The following AMMECR1 variants were observed in gnomAD, a reference collection of about 807,000 sequenced individuals.
AMMECR1 encodes AMMECR nuclear protein 1.
AMMECR1 carries 3 observed loss-of-function variants against 22.5 expected under a neutral mutation model. That is an observed-to-expected ratio of 0.13 (90% CI 0.06 to 0.35). AMMECR1 has a LOEUF of 0.35. Among genes scored for constraint, AMMECR1 ranks in the 10% least tolerant of loss-of-function variants. AMMECR1 has a pLI of 1.00. For synonymous variants in AMMECR1, 130 were observed against 116.7 expected (o/e 1.11, Z -0.74); for missense variants, 235 against 278.7 (o/e 0.84, Z 1.12).
chrX:110,285,049 T>A (rs1054593174), intron 1 of AMMECR1, among the ~76,000 whole-genome samples: 20 of 111,899 alleles, frequency 1.8e-4, no homozygotes, highest in Admixed American at 1.0e-3. Context: ...CAATCCCTGT[T>A]CACTTATCCC....
chrX:110,242,257 TTTC>T (rs1328076857), intron 2 of AMMECR1, among the ~76,000 whole-genome samples: 4 of 111,847 alleles, frequency 3.6e-5, no homozygotes, highest in African/African-American at 9.8e-5. Flanking sequence ...GGCTGTAAGA[TTTC>T]TTGTTTCTAT....
At chrX:110,295,784 C>T (rs1038907505) in intron 1 of AMMECR1, among the ~76,000 whole-genome samples, 1 of 111,550 alleles carries the variant, frequency 9.0e-6, no homozygotes, top group African/African-American at 3.3e-5. Context: ...TTAATACCAA[C>T]CAGTGTCAAT....
intron 1 of AMMECR1, among the ~76,000 whole-genome samples, chrX:110,314,306 T>C (rs2068037825): frequency 9.0e-6 from 1 of 111,479 alleles, no homozygotes; most frequent in Non-Finnish European, 1.9e-5. Flanking sequence ...TTTAGGGTGC[T>C]CATAAAATTC....
At chrX:110,255,825 C>T (rs2067708311) in intron 2 of AMMECR1, among the ~76,000 whole-genome samples, 1 of 112,057 alleles carries the variant, frequency 8.9e-6, no homozygotes, top group Non-Finnish European at 1.9e-5. Context: ...TGTAGATTTA[C>T]AGGATAATTT....
chrX:110,338,766 C>G (rs12848114), intron 2 of AMMECR1, among the ~76,000 whole-genome samples: 1 of 111,082 alleles, frequency 9.0e-6, no homozygotes, highest in Non-Finnish European at 1.9e-5. Flanking sequence ...GAAAATTGTC[C>G]TTTAATATTT....
chrX:110,345,679 A>G (rs2068186145), intron 2 of AMMECR1, among the ~76,000 whole-genome samples: 1 of 110,539 alleles, frequency 9.0e-6, no homozygotes, highest in Admixed American at 9.6e-5. Flanking sequence ...AGCATCACAC[A>G]GTATACCCAG....
At chrX:110,229,275 T>C (rs756979631) in intron 2 of AMMECR1, among the ~76,000 whole-genome samples, 1 of 112,474 alleles carries the variant, frequency 8.9e-6, no homozygotes, top group South Asian at 3.7e-4. Context: ...GAACCTAGTT[T>C]TCAAAGAAAA....
At chrX:110,283,066 A>T (rs2067861190) in intron 1 of AMMECR1, among the ~76,000 whole-genome samples, 1 of 111,655 alleles carries the variant, frequency 9.0e-6, no homozygotes, top group Non-Finnish European at 1.9e-5. Flanking sequence ...TAACAAAAAA[A>T]AAATGTTTAT....
intron 2 of AMMECR1, among the ~76,000 whole-genome samples, chrX:110,235,114 C>A (rs966060724): frequency 8.9e-6 from 1 of 111,901 alleles, no homozygotes; most frequent in Non-Finnish European, 1.9e-5. Flanking sequence ...CCAGAATCTA[C>A]AAAGAACTTA....
intron 1 of AMMECR1, among the ~76,000 whole-genome samples, chrX:110,302,292 C>T (rs757852289): frequency 9.0e-6 from 1 of 110,858 alleles, no homozygotes; most frequent in South Asian, 3.9e-4. Flanking sequence ...AAAATTCACC[C>T]AGTTAGACAG....
chrX:110,284,111 G>C (rs2067867101), intron 1 of AMMECR1, among the ~76,000 whole-genome samples: 1 of 110,879 alleles, frequency 9.0e-6, no homozygotes, highest in African/African-American at 3.3e-5. Flanking sequence ...GGGTGACAGA[G>C]TGAGACTCTG....
At chrX:110,292,273 G>A (rs916875318) in intron 1 of AMMECR1, among the ~76,000 whole-genome samples, 2 of 112,070 alleles carry the variant, frequency 1.8e-5, no homozygotes, top group Non-Finnish European at 3.8e-5. Context: ...ATGCAAAATG[G>A]TACAACCACT....
intron 2 of AMMECR1, among the ~76,000 whole-genome samples, chrX:110,259,045 A>G (rs780135518): frequency 4.5e-5 from 5 of 112,044 alleles, no homozygotes; most frequent in African/African-American, 9.7e-5. Context: ...AATGAATCCC[A>G]TAAGTACCCA....
chrX:110,247,704 A>C (rs953914231), intron 2 of AMMECR1, among the ~76,000 whole-genome samples: 4 of 110,517 alleles, frequency 3.6e-5, no homozygotes, highest in Non-Finnish European at 7.6e-5. Context: ...AAAAAAAAAA[A>C]CAAACAAAAA....
chrX:110,257,729 T>C (rs1363643795), intron 2 of AMMECR1, among the ~76,000 whole-genome samples: 1 of 111,520 alleles, frequency 9.0e-6, no homozygotes, highest in Non-Finnish European at 1.9e-5. Context: ...TTATAACAGA[T>C]ATAGAGTAGT....
chrX:110,319,183 T>C (rs1417136498), upstream of AMMECR1, among the ~76,000 whole-genome samples: 2 of 112,403 alleles, frequency 1.8e-5, no homozygotes, highest in African/African-American at 6.5e-5. Flanking sequence ...GGTGCCTAAG[T>C]GCAGCTTAAT....
At chrX:110,425,973 C>A (rs1017896093) in intron 2 of AMMECR1, among the ~76,000 whole-genome samples, 2 of 110,340 alleles carry the variant, frequency 1.8e-5, no homozygotes, top group African/African-American at 6.8e-5. Flanking sequence ...TTAGTGCGTG[C>A]GTGCGCGCAC....
chrX:110,314,164 CT>C (rs1327530341), intron 1 of AMMECR1, among the ~76,000 whole-genome samples: 1 of 111,918 alleles, frequency 8.9e-6, no homozygotes, highest in Non-Finnish European at 1.9e-5. Context: ...ACCTGAGGAG[CT>C]TGTTAAACTG....
At chrX:110,391,681 G>T (rs1353764062) in intron 2 of AMMECR1, among the ~76,000 whole-genome samples, 2 of 111,987 alleles carry the variant, frequency 1.8e-5, no homozygotes, top group African/African-American at 6.5e-5. Context: ...AGGCATCTAA[G>T]TTGTCTTTAG....
Sources: gnomAD v4.1 joint callset for allele counts (sites outside exome capture counted in the v4.1 genomes callset) on GRCh38, gnomAD v4.1.1 for gene constraint, MANE v1.5 for transcripts, NCBI Gene and HGNC (gene_info 2026-07-23, HGNC 2026-07-21) for gene names.